SLCO1B3: variants seen among roughly 807,000 people sequenced by gnomAD.
SLCO1B3 encodes the protein solute carrier organic anion transporter family member 1B3.
Under a neutral mutation model 71.8 loss-of-function variants are expected in SLCO1B3, and 72 were observed. That is an observed-to-expected ratio of 1.00 (90% CI 0.83 to 1.22). SLCO1B3 has a LOEUF of 1.22. Among genes scored for constraint, SLCO1B3 ranks in the 50% most tolerant of loss-of-function variants. The pLI is 0.00. For synonymous variants in SLCO1B3, 298 were observed against 278.4 expected, an observed-to-expected ratio of 1.07 and a Z score of -0.70; for missense variants, 911 against 819.7, an observed-to-expected ratio of 1.11 and a Z score of -1.36.
chr12:20,879,049 C>T (rs1380365068), intron 10 of SLCO1B3, among the ~76,000 whole-genome samples: 3 of 151,992 alleles, frequency 2.0e-5, no homozygotes, highest in Non-Finnish European at 4.4e-5. Context: ...GAAAGCTCCT[C>T]ATAGAAATAA....
intron 4 of SLCO1B3, among the ~76,000 whole-genome samples, chr12:20,858,147 A>T (rs963147999): frequency 2.6e-5 from 4 of 152,084 alleles, no homozygotes; most frequent in Admixed American, 2.0e-4. Flanking sequence ...GACATTTTCC[A>T]TTCCAATGCA....
At chr12:20,863,119 C>G (rs1421110657) in intron 8 of SLCO1B3, among the ~76,000 whole-genome samples, 1 of 151,950 alleles carries the variant, frequency 6.6e-6, no homozygotes, top group Non-Finnish European at 1.5e-5. Context: ...TTGAAATGTC[C>G]CTTTCCCAAA....
intron 3 of SLCO1B3, among the ~76,000 whole-genome samples, chr12:20,837,293 G>A (rs1049697925): frequency 1.3e-5 from 2 of 151,282 alleles, no homozygotes; most frequent in Non-Finnish European, 2.9e-5. Context: ...TTTCTCTATT[G>A]AATTCCTGTT....
intron 3 of SLCO1B3, among the ~76,000 whole-genome samples, chr12:20,832,087 C>T (rs1301925284): frequency 6.6e-6 from 1 of 152,180 alleles, no homozygotes; most frequent in African/African-American, 2.4e-5. Flanking sequence ...CTCTGTTTCA[C>T]ATTGCTAAAG....
intron 2 of SLCO1B3, among the ~76,000 whole-genome samples, chr12:20,814,666 G>A (rs1028384105): frequency 1.3e-4 from 20 of 152,136 alleles, no homozygotes; most frequent in South Asian, 2.1e-4. Flanking sequence ...CGAGGCGGGC[G>A]GATCAGGAGG....
chr12:20,844,459 C>G (rs4341591), intron 3 of SLCO1B3, among the ~76,000 whole-genome samples: 1 of 151,422 alleles, frequency 6.6e-6, no homozygotes, highest in African/African-American at 2.4e-5. Context: ...TACCAGTTAC[C>G]TGGGAAGCTG....
chr12:20,904,755 CTTTTTTTTTTTTT>C (rs775996155), intron 15 of SLCO1B3, among the ~76,000 whole-genome samples: 30 of 56,112 alleles, frequency 5.3e-4, no homozygotes, highest in African/African-American at 2.3e-3. Flanking sequence ...GACATCCAGG[CTTTTTTTTTTTTT>C]TTTTTTTTTT....
At chr12:20,822,395 G>T (rs562312321) in intron 3 of SLCO1B3, among the ~76,000 whole-genome samples, 3 of 152,242 alleles carry the variant, frequency 2.0e-5, no homozygotes, top group Admixed American at 6.5e-5. Flanking sequence ...GGGTCACAAG[G>T]TGCTCGGTGG....
chr12:20,864,627 C>CT (rs1361264593), intron 8 of SLCO1B3, among the ~76,000 whole-genome samples: 2 of 152,242 alleles, frequency 1.3e-5, no homozygotes, highest in East Asian at 3.9e-4. Flanking sequence ...GCTTTTAACA[C>CT]TGAGTACAAA....
chr12:20,857,247 T>C (rs559656457), intron 4 of SLCO1B3, among the ~76,000 whole-genome samples: 1 of 152,288 alleles, frequency 6.6e-6, no homozygotes, highest in East Asian at 1.9e-4. Flanking sequence ...GACTCTATCT[T>C]TCTACGTTAT....
intron 3 of SLCO1B3, among the ~76,000 whole-genome samples, chr12:20,834,922 T>A (rs1709879412): frequency 6.6e-6 from 1 of 152,176 alleles, no homozygotes; most frequent in African/African-American, 2.4e-5. Flanking sequence ...CTGACTGCCA[T>A]ACTGAAATTT....
intron 3 of SLCO1B3, among the ~76,000 whole-genome samples, chr12:20,818,475 CAA>C (rs1384535153): frequency 1.3e-5 from 2 of 151,936 alleles, no homozygotes; most frequent in Non-Finnish European, 2.9e-5. Flanking sequence ...TCTACTTAGA[CAA>C]AGAGGTATTT....
At chr12:20,810,896 T>C (rs1256393142) in intron 1 of SLCO1B3, 132 bp downstream of exon 1, 3 of 152,170 alleles carry the variant, frequency 2.0e-5, no homozygotes, top group African/African-American at 7.2e-5. Flanking sequence ...CTCCACACTT[T>C]TGTTCTGAGC....
intron 3 of SLCO1B3, among the ~76,000 whole-genome samples, chr12:20,819,874 G>T (rs565975058): frequency 1.3e-5 from 2 of 152,210 alleles, no homozygotes; most frequent in South Asian, 4.1e-4. Flanking sequence ...GGGAATACAA[G>T]AAGAGGATGC....
intron 8 of SLCO1B3, among the ~76,000 whole-genome samples, chr12:20,870,077 G>A (rs1405141157): frequency 6.6e-6 from 1 of 152,048 alleles, no homozygotes; most frequent in Non-Finnish European, 1.5e-5. Flanking sequence ...GCATTATTAT[G>A]ATAATAAGTG....
At chr12:20,898,734 TTTATA>T (rs1395706220) in intron 14 of SLCO1B3, among the ~76,000 whole-genome samples, 1 of 152,302 alleles carries the variant, frequency 6.6e-6, no homozygotes, top group African/African-American at 2.4e-5. Context: ...AATCATCATA[TTTATA>T]TTATATTCTT....
chr12:20,814,747 C>G (rs969313822), intron 2 of SLCO1B3, among the ~76,000 whole-genome samples: 13 of 151,908 alleles, frequency 8.6e-5, no homozygotes, highest in Admixed American at 7.9e-4. Flanking sequence ...AACAATTAGC[C>G]GGGCGTTGTG....
chr12:20,829,333 A>T (rs1306104584), intron 3 of SLCO1B3, among the ~76,000 whole-genome samples: 1 of 152,168 alleles, frequency 6.6e-6, no homozygotes, highest in Non-Finnish European at 1.5e-5. Context: ...ACTGCTCTCT[A>T]CCATCCTAGA....
chr12:20,834,718 A>G (rs11045543), intron 3 of SLCO1B3, among the ~76,000 whole-genome samples: 69,159 of 151,362 alleles, frequency 0.46, 17,781 homozygotes, highest in South Asian at 0.64. Flanking sequence ...CTTTGCAGGG[A>G]ACAACCCTCC....
Sources: allele counts gnomAD v4.1 joint callset (sites outside exome capture counted in the v4.1 genomes callset), GRCh38; gene constraint gnomAD v4.1.1; transcripts MANE v1.5; gene names NCBI Gene and HGNC (gene_info 2026-07-23, HGNC 2026-07-21).